SCPEP1: variants seen among roughly 807,000 people sequenced by gnomAD.
SCPEP1 encodes the protein serine carboxypeptidase 1.
SCPEP1 carries 51 observed loss-of-function variants against 63.8 expected under a neutral mutation model. The observed-to-expected ratio is 0.80, with a 90% CI of 0.64 to 1.01. SCPEP1 has a LOEUF of 1.01. Ranked by LOEUF, SCPEP1 falls within the 50% of genes least tolerant of loss-of-function variation. The probability of loss-of-function intolerance (pLI) is 0.00; values close to 1 mark genes in which losing one functional copy is unlikely to be tolerated. For missense variants in SCPEP1, 499 were observed against 554.9 expected (o/e 0.90, Z 1.01); for synonymous variants, 204 against 207.8 (o/e 0.98, Z 0.16).
At position 57,000,913 on chromosome 17, in the gene SCPEP1, C is replaced by T. The variant is rs1319128439; in HGVS notation, c.1053C>T (p.Ser351=). Residue 351 remains serine (S), a synonymous_variant, in exon 11 of 13, where the codon AGC becomes AGT. Transcript: ENST00000262288. ...MEEDFMKPVI[S]IVDELLEAGI... is the part of the protein sequence containing the mutation. Reference sequence around the variant, plus strand: ...AGGACTTCATGAAGCCAGTCATTAGCATTGTGGACGAGTTGCTGGAGGCAG... The same window carrying T: ...AGGACTTCATGAAGCCAGTCATTAGTATTGTGGACGAGTTGCTGGAGGCAG... 1 of 1,613,992 alleles carries T rather than the reference C, an allele frequency of 6.2e-7. No individual in the cohort carries two copies. The highest frequency in any genetic ancestry group is 1.3e-5 in the African/African-American group (1 of 74,916).
intron 9 of SCPEP1, chr17:56,997,951 C>T (rs1032518174): frequency 3.7e-5 from 6 of 163,690 alleles, no homozygotes; most frequent in South Asian, 1.6e-4. Context: ...ATCAAGGTGA[C>T]GCTTTTCCTT....
intron 10 of SCPEP1, among the ~76,000 whole-genome samples, chr17:56,998,876 C>T (rs2144504199): frequency 6.6e-6 from 1 of 152,234 alleles, no homozygotes; most frequent in South Asian, 2.1e-4. Context: ...ATTGCTTGAA[C>T]CCAGGAGTTT....
chr17:56,999,959 G>A (rs1911688601), intron 10 of SCPEP1, among the ~76,000 whole-genome samples: 1 of 149,218 alleles, frequency 6.7e-6, no homozygotes, highest in Admixed American at 6.7e-5. Flanking sequence ...TCCAGCCTGG[G>A]CAATAAGAGT....
At chr17:56,994,233 T>C (rs530304718) in intron 6 of SCPEP1, among the ~76,000 whole-genome samples, 44 of 152,346 alleles carry the variant, frequency 2.9e-4, no homozygotes, top group African/African-American at 1.0e-3. Context: ...TGAATACTTT[T>C]AAGCTAAGGA....
chr17:57,002,268 T>G (rs1430740896), intron 12 of SCPEP1, 87 bp downstream of exon 12: 32 of 1,403,282 alleles, frequency 2.3e-5, no homozygotes, highest in Non-Finnish European at 3.1e-5. Context: ...ACTGCCCAGG[T>G]GGGTCTTGTA....
At chr17:56,995,324 A>G (rs1408061948) in intron 7 of SCPEP1, 183 bp from the exon 8 acceptor site, 3 of 626,722 alleles carry the variant, frequency 4.8e-6, no homozygotes, top group Non-Finnish European at 8.2e-6. Flanking sequence ...ATACCTACTT[A>G]GGTTCAGTTA....
intron 6 of SCPEP1, among the ~76,000 whole-genome samples, chr17:56,992,019 G>C (rs769138467): frequency 6.6e-6 from 1 of 152,200 alleles, no homozygotes; most frequent in Non-Finnish European, 1.5e-5. Context: ...CAGAAGAGAG[G>C]CTGCCTAGGG....
chr17:56,980,315 A>G (rs897998393), intron 1 of SCPEP1, among the ~76,000 whole-genome samples: 3 of 152,026 alleles, frequency 2.0e-5, no homozygotes, highest in African/African-American at 7.2e-5. Flanking sequence ...GGGTGTTGCT[A>G]TGTTGCTTAG....
chr17:56,995,162 A>G (rs1911509387), intron 7 of SCPEP1, 144 bp downstream of exon 7: 1 of 671,546 alleles, frequency 1.5e-6, no homozygotes. Context: ...ATAGAGTTGG[A>G]GACCCAAAGC....
At chr17:56,998,893 A>C (rs1346327470) in intron 10 of SCPEP1, among the ~76,000 whole-genome samples, 1 of 152,066 alleles carries the variant, frequency 6.6e-6, no homozygotes, top group Non-Finnish European at 1.5e-5. Flanking sequence ...GTTTGAGGGT[A>C]CAGTGAGCTA....
chr17:57,000,787 G>A, intron 10 of SCPEP1, 68 bp from the exon 11 acceptor site: 3 of 1,577,296 alleles, frequency 1.9e-6, no homozygotes, highest in Non-Finnish European at 8.7e-7. Flanking sequence ...AAGATGCTCT[G>A]GGCTGAAAGG....
At chr17:57,006,088 G>C (rs1336285534) in intron 12 of SCPEP1, 85 bp from the exon 13 acceptor site, 1 of 1,102,778 alleles carries the variant, frequency 9.1e-7, no homozygotes, top group East Asian at 2.5e-5. Context: ...GCTCCCTTTT[G>C]GGAGCAAGGT....
At chr17:56,997,747 C>G (rs975825358) in intron 9 of SCPEP1, among the ~76,000 whole-genome samples, 1 of 151,866 alleles carries the variant, frequency 6.6e-6, no homozygotes, top group African/African-American at 2.4e-5. Flanking sequence ...CCAATTTTGA[C>G]AAATCTATTT....
intron 6 of SCPEP1, among the ~76,000 whole-genome samples, chr17:56,993,594 C>G (rs753743809): frequency 1.4e-4 from 21 of 152,178 alleles, no homozygotes; most frequent in Non-Finnish European, 1.3e-4. Context: ...CAGGTGCCCA[C>G]CACTACGCCT....
intron 5 of SCPEP1, among the ~76,000 whole-genome samples, chr17:56,990,578 TC>T (rs1474064139): frequency 6.6e-6 from 1 of 152,208 alleles, no homozygotes; most frequent in Admixed American, 6.5e-5. Context: ...CCTGCTTTCT[TC>T]AATCAGTAGT....
intron 8 of SCPEP1, chr17:56,995,876 TAAA>T (rs11361283): frequency 5.6e-3 from 887 of 157,964 alleles, no homozygotes; most frequent in Middle Eastern, 8.8e-3. Context: ...TGGATTCTAT[TAAA>T]AAAAAAAAAA....
chr17:56,986,875 G>A (rs1911238178), intron 3 of SCPEP1, among the ~76,000 whole-genome samples: 1 of 152,188 alleles, frequency 6.6e-6, no homozygotes, highest in South Asian at 2.1e-4. Context: ...TCCTACTCTT[G>A]CCTCAGGGTC....
chr17:57,002,790 G>T (rs1460123953), intron 12 of SCPEP1, among the ~76,000 whole-genome samples: 1 of 148,004 alleles, frequency 6.8e-6, no homozygotes, highest in African/African-American at 2.5e-5. Context: ...TGGGCAGATT[G>T]ATTGAGCCTG....
intron 3 of SCPEP1, chr17:56,987,293 G>C (rs1911250581): frequency 6.3e-6 from 1 of 157,802 alleles, no homozygotes; most frequent in East Asian, 1.9e-4. Flanking sequence ...CAAGAAAACT[G>C]ATGTGTGTCC....
Sources: allele counts gnomAD v4.1 joint callset (sites outside exome capture counted in the v4.1 genomes callset), GRCh38; gene constraint gnomAD v4.1.1; transcripts MANE v1.5; gene names NCBI Gene and HGNC (gene_info 2026-07-23, HGNC 2026-07-21).